Variants in ASIC2 observed in about 807,000 individuals in gnomAD.
ASIC2 encodes the protein acid-sensing ion channel 2.
ASIC2 carries 25 observed loss-of-function variants against 57.3 expected under a neutral mutation model. That is an observed-to-expected ratio of 0.44 (90% CI 0.32 to 0.61). ASIC2 has a LOEUF of 0.61. ASIC2 is among the 20% of genes least tolerant of loss of function. The pLI is 0.06. For missense variants in ASIC2, 641 were observed against 738.1 expected, an observed-to-expected ratio of 0.87 and a Z score of 1.52; for synonymous variants, 319 against 307.5, an observed-to-expected ratio of 1.04 and a Z score of -0.39.
intron 1 of ASIC2, among the ~76,000 whole-genome samples, chr17:33,267,119 A>G (rs998521960): frequency 6.6e-6 from 1 of 152,176 alleles, no homozygotes; most frequent in Admixed American, 6.5e-5. Flanking sequence ...AACAAGAAAA[A>G]GAACATACTG....
chr17:33,115,209 C>T (rs767666867), intron 1 of ASIC2, among the ~76,000 whole-genome samples: 2 of 152,122 alleles, frequency 1.3e-5, no homozygotes, highest in Non-Finnish European at 2.9e-5. Context: ...CACAAACGTG[C>T]CAGGTGTGAG....
At chr17:33,166,091 C>T (rs991768185) in intron 1 of ASIC2, among the ~76,000 whole-genome samples, 1 of 152,142 alleles carries the variant, frequency 6.6e-6, no homozygotes, top group African/African-American at 2.4e-5. Context: ...GACTGAATTC[C>T]AGGCTGTGAG....
intron 1 of ASIC2, among the ~76,000 whole-genome samples, chr17:33,314,380 G>A (rs1207501265): frequency 1.3e-5 from 2 of 152,188 alleles, no homozygotes; most frequent in African/African-American, 4.8e-5. Flanking sequence ...ACAATTCCTT[G>A]TTGGCTGAGC....
chr17:33,247,251 A>G (rs1908721808), intron 1 of ASIC2, among the ~76,000 whole-genome samples: 1 of 152,204 alleles, frequency 6.6e-6, no homozygotes, highest in East Asian at 1.9e-4. Flanking sequence ...TAGTCAAATA[A>G]CCGCAAAGGC....
At chr17:33,999,162 C>T (rs1023008872) in intron 1 of ASIC2, among the ~76,000 whole-genome samples, 8 of 151,966 alleles carry the variant, frequency 5.3e-5, no homozygotes, top group South Asian at 2.1e-4. Flanking sequence ...CTATTTTGTC[C>T]GATATAAGCA....
chr17:33,706,344 C>G lies in ASIC2; in HGVS notation c.555+449634G>C, dbSNP rs1294605816. On this transcript the variant is annotated intron_variant, in intron 1 of 9. Transcript: ENST00000359872. Reference sequence around the variant, plus strand: ...AAGCCATCCTCCCACCTCAGCCTCCCCAGTAGCTGGGACTGCAGGTATGTG... The same window carrying G: ...AAGCCATCCTCCCACCTCAGCCTCCGCAGTAGCTGGGACTGCAGGTATGTG... 1.3e-5 allele frequency among the ~76,000 whole-genome samples: 2 copies of G among 151,800 alleles called. 1 individual carries two copies. The highest frequency in any genetic ancestry group is 2.9e-5 in the Non-Finnish European group (2 of 67,964).
chr17:34,133,164 G>A (rs1480485323), intron 1 of ASIC2, among the ~76,000 whole-genome samples: 7 of 152,202 alleles, frequency 4.6e-5, no homozygotes, highest in Non-Finnish European at 8.8e-5. Context: ...ATAGATGTAT[G>A]ATATGATATA....
chr17:34,024,128 C>T (rs2142031363), intron 1 of ASIC2, among the ~76,000 whole-genome samples: 1 of 152,272 alleles, frequency 6.6e-6, no homozygotes, highest in Admixed American at 6.5e-5. Context: ...CTCTTGAGAA[C>T]CTGGACTCAG....
intron 1 of ASIC2, among the ~76,000 whole-genome samples, chr17:33,751,413 T>A (rs1255441679): frequency 1.3e-5 from 2 of 152,176 alleles, no homozygotes; most frequent in Non-Finnish European, 2.9e-5. Flanking sequence ...AAACAGAAAC[T>A]GCTGCTGTTT....
At chr17:34,104,258 T>C (rs957450241) in intron 1 of ASIC2, among the ~76,000 whole-genome samples, 1 of 152,164 alleles carries the variant, frequency 6.6e-6, no homozygotes, top group Non-Finnish European at 1.5e-5. Flanking sequence ...TCTGCCAATA[T>C]ATAGAAATAC....
At chr17:33,670,642 C>A (rs1404779568) in intron 1 of ASIC2, among the ~76,000 whole-genome samples, 1 of 152,120 alleles carries the variant, frequency 6.6e-6, no homozygotes, top group Non-Finnish European at 1.5e-5. Flanking sequence ...CCCCTGATGC[C>A]CCCTCTAATC....
chr17:33,525,294 G>A (rs532249398), intron 1 of ASIC2, among the ~76,000 whole-genome samples: 1 of 152,292 alleles, frequency 6.6e-6, no homozygotes, highest in South Asian at 2.1e-4. Flanking sequence ...TGGGAGGTGT[G>A]GAGGGCAGAG....
intron 1 of ASIC2, among the ~76,000 whole-genome samples, chr17:34,075,843 T>C (rs1223997329): frequency 7.1e-6 from 1 of 141,714 alleles, no homozygotes; most frequent in Non-Finnish European, 1.5e-5. Context: ...TTTTTTTTTT[T>C]TTTTTGAGAC....
At chr17:33,081,006 A>T (rs2092111115) in intron 3 of ASIC2, among the ~76,000 whole-genome samples, 1 of 152,222 alleles carries the variant, frequency 6.6e-6, no homozygotes, top group Admixed American at 6.5e-5. Context: ...TTTGTCAGGA[A>T]GGCAAGGAGA....
At chr17:33,054,638 G>C (rs915958440) in intron 3 of ASIC2, among the ~76,000 whole-genome samples, 9 of 152,160 alleles carry the variant, frequency 5.9e-5, no homozygotes, top group Admixed American at 3.3e-4. Context: ...AAAGCTTATG[G>C]TGCAGGTTTA....
At chr17:33,981,849 G>A (rs561901918) in intron 1 of ASIC2, among the ~76,000 whole-genome samples, 1 of 152,306 alleles carries the variant, frequency 6.6e-6, no homozygotes, top group South Asian at 2.1e-4. Flanking sequence ...GAGGCCCAGA[G>A]AATTGCAACA....
chr17:33,306,224 T>C lies in ASIC2; in HGVS notation c.556-194157A>G, dbSNP rs149675125. 2.0e-3 allele frequency among the ~76,000 whole-genome samples: 309 copies of C among 152,346 alleles called. 1 individual carries two copies. The highest frequency in any genetic ancestry group is 7.1e-3 in the African/African-American group (294 of 41,588). On this transcript the variant is annotated intron_variant, in intron 1 of 9. Transcript: ENST00000359872. ...AGAAACATTTTAGGGTTTTGTTCCATAGGACTTGGAATTCTCAGGCGGTAA... is the reference window on the plus strand; with the variant it reads ...AGAAACATTTTAGGGTTTTGTTCCACAGGACTTGGAATTCTCAGGCGGTAA...
chr17:33,919,006 G>T (rs1395157252), intron 1 of ASIC2, among the ~76,000 whole-genome samples: 1 of 152,206 alleles, frequency 6.6e-6, no homozygotes, highest in African/African-American at 2.4e-5. Flanking sequence ...ATGACCTGGG[G>T]TGAAGGATTG....
chr17:33,187,532 G>T (rs1276229626), intron 1 of ASIC2, among the ~76,000 whole-genome samples: 1 of 152,118 alleles, frequency 6.6e-6, no homozygotes, highest in African/African-American at 2.4e-5. Context: ...TTTGAGCCTA[G>T]TTATAATGAT....
Sources: allele counts gnomAD v4.1 joint callset (sites outside exome capture counted in the v4.1 genomes callset), GRCh38; gene constraint gnomAD v4.1.1; transcripts MANE v1.5; gene names NCBI Gene and HGNC (gene_info 2026-07-23, HGNC 2026-07-21).